Variants in LRP1B observed in about 807,000 individuals in gnomAD.
The protein encoded by LRP1B is LDL receptor related protein 1B, also known as low-density lipoprotein receptor-related protein 1B.
In LRP1B, 217 loss-of-function variants were observed where a neutral mutation model predicts 556.6. That is an observed-to-expected ratio of 0.39 (90% CI 0.35 to 0.44). The LOEUF (loss-of-function observed/expected upper bound fraction) is 0.44, where lower values mean the gene tolerates loss of function less well. Ranked by LOEUF, LRP1B falls within the 20% of genes least tolerant of loss-of-function variation. The pLI is 1.00. For missense variants in LRP1B, 5,053 were observed against 5,620.8 expected, an observed-to-expected ratio of 0.90 and a Z score of 3.23; for synonymous variants, 2,047 against 1,865.8, an observed-to-expected ratio of 1.10 and a Z score of -2.50.
intron 3 of LRP1B, among the ~76,000 whole-genome samples, chr2:141,459,643 A>T (rs1681781069): frequency 2.0e-5 from 3 of 152,094 alleles, no homozygotes; most frequent in Admixed American, 2.0e-4. Flanking sequence ...TATTCTGGTG[A>T]CAGTGACTAA....
intron 1 of LRP1B, among the ~76,000 whole-genome samples, chr2:141,940,368 G>A (rs954103364): frequency 6.6e-6 from 1 of 152,116 alleles, no homozygotes; most frequent in Non-Finnish European, 1.5e-5. Flanking sequence ...TAATGAATAA[G>A]TGTGCTTAAA....
intron 2 of LRP1B, among the ~76,000 whole-genome samples, chr2:141,618,765 A>T (rs1325532788): frequency 6.6e-6 from 1 of 152,210 alleles, no homozygotes; most frequent in Admixed American, 6.5e-5. Flanking sequence ...GCTGCTGAAT[A>T]TATGGACCTA....
At chr2:140,932,604 G>A (rs1281229011) in intron 20 of LRP1B, among the ~76,000 whole-genome samples, 2 of 152,092 alleles carry the variant, frequency 1.3e-5, no homozygotes, top group East Asian at 3.9e-4. Flanking sequence ...CAGGCACAGT[G>A]GCTAATTCCT....
intron 1 of LRP1B, among the ~76,000 whole-genome samples, chr2:141,951,092 G>C (rs1016888664): frequency 2.6e-5 from 4 of 152,050 alleles, no homozygotes; most frequent in Non-Finnish European, 5.9e-5. Context: ...GTCCCATAGT[G>C]ATAATGGCTG....
rs1683479191 is a variant in LRP1B at position 140,293,468 on chromosome 2, C to T, written c.12967+4340G>A. ...GGCTGCTGCTGTTAAAATTAATTTG[C>T]ATTTCAGACCTCAGGACTTTATATT... On this transcript the variant is annotated intron_variant, in intron 84 of 90. Transcript: ENST00000389484. Among the ~76,000 whole-genome samples, 8 of 152,264 alleles carry T rather than the reference C, an allele frequency of 5.3e-5. No homozygotes were observed. The South Asian group carries it at 1.7e-3, about 32-fold the overall frequency.
intron 81 of LRP1B, among the ~76,000 whole-genome samples, chr2:140,323,471 G>T (rs748119831): frequency 6.6e-6 from 1 of 151,906 alleles, no homozygotes; most frequent in Non-Finnish European, 1.5e-5. Flanking sequence ...GTTCGTCTAT[G>T]CACTCACAAG....
At chr2:142,118,916 G>A (rs1438516208) in intron 1 of LRP1B, among the ~76,000 whole-genome samples, 1 of 152,016 alleles carries the variant, frequency 6.6e-6, no homozygotes, top group Non-Finnish European at 1.5e-5. Flanking sequence ...TTATTTCAAG[G>A]TATAATGTTG....
At chr2:141,212,815 C>T (rs903967000) in intron 6 of LRP1B, among the ~76,000 whole-genome samples, 12 of 151,876 alleles carry the variant, frequency 7.9e-5, no homozygotes, top group Non-Finnish European at 2.9e-5. Flanking sequence ...GTAATTGATT[C>T]GTTCTTGGAA....
In LRP1B at chr2:140,835,346, T is replaced by G. The variant is rs531009439; in HGVS notation, c.5209+4645A>C. ...ATTATTACAGATATGACAGAGAAACTTTTACCACAGGCTCCCATCTATTCT... is the reference window on the plus strand; with the variant it reads ...ATTATTACAGATATGACAGAGAAACGTTTACCACAGGCTCCCATCTATTCT... On this transcript the variant is annotated intron_variant, in intron 31 of 90. Coordinates refer to ENST00000389484, the MANE Select transcript of LRP1B (RefSeq NM_018557.3). Among the ~76,000 whole-genome samples, 17 of 152,202 alleles carry G rather than the reference T, an allele frequency of 1.1e-4. 1 individual carries two copies. The South Asian group carries it at 3.5e-3, about 32-fold the overall frequency.
Position 141,570,819 on chromosome 2 carries a change from G to A in LRP1B, c.206-90286C>T, listed in dbSNP as rs371306489. ...CAGAGTGCCTCTTCAGGCCTGACCC[G>A]GACCCATCCTTCCTCACTGGGCGGG... On this transcript the variant is annotated intron_variant, in intron 2 of 90. Transcript: ENST00000389484. Among the ~76,000 whole-genome samples the A allele has an allele frequency of 2.3e-4, 35 of 151,262 alleles. 2 individuals are homozygous for A. The highest frequency in any genetic ancestry group is 3.7e-4 in the Non-Finnish European group (25 of 67,410).
intron 21 of LRP1B, among the ~76,000 whole-genome samples, chr2:140,920,286 T>TA (rs1694699592): frequency 6.6e-6 from 1 of 152,066 alleles, no homozygotes; most frequent in Non-Finnish European, 1.5e-5. Flanking sequence ...TCCTGACTGT[T>TA]ATATTGTACT....
chr2:140,532,947 TACAC>T (rs1553482124), intron 47 of LRP1B, among the ~76,000 whole-genome samples: 5 of 124,282 alleles, frequency 4.0e-5, no homozygotes, highest in African/African-American at 9.5e-5. Context: ...TATATATATA[TACAC>T]ATATATATCT....
chr2:141,810,129 G>A (rs1244893131), intron 2 of LRP1B, 150 bp downstream of exon 2: 3 of 387,208 alleles, frequency 7.7e-6, no homozygotes, highest in African/African-American at 5.5e-5. Flanking sequence ...AAGAAAGAAA[G>A]AAAGAAAGAA....
At chr2:141,920,892 G>A (rs1485331815) in intron 1 of LRP1B, among the ~76,000 whole-genome samples, 2 of 151,878 alleles carry the variant, frequency 1.3e-5, no homozygotes, top group South Asian at 2.1e-4. Context: ...TATTAGTCCT[G>A]TCCTTTTCTA....
At chr2:141,777,507 C>G (rs1370811925) in intron 2 of LRP1B, among the ~76,000 whole-genome samples, 1 of 152,010 alleles carries the variant, frequency 6.6e-6, no homozygotes, top group Non-Finnish European at 1.5e-5. Context: ...CCTCCGCCTC[C>G]CGGGTTCAAG....
In LRP1B at chr2:141,253,792, G is replaced by A. The variant is rs140390435; in HGVS notation, c.463+730C>T. On this transcript the variant is annotated intron_variant, in intron 4 of 90. Coordinates refer to ENST00000389484, the MANE Select transcript of LRP1B (RefSeq NM_018557.3). ...AATACACACACACACACTCACACAC[G>A]CGGAAGGAAAGAGAGAGGCAGAGAG... Among the ~76,000 whole-genome samples, 465 of 151,704 alleles carry A rather than the reference G, an allele frequency of 3.1e-3. 1 individual carries two copies. Among genetic ancestry groups the A allele is most frequent in the African/African-American group, 9.8e-3 (404 of 41,420 alleles).
chr2:142,049,761 A>T (rs1295924906), intron 1 of LRP1B, among the ~76,000 whole-genome samples: 6 of 152,100 alleles, frequency 3.9e-5, no homozygotes, highest in African/African-American at 1.2e-4. Flanking sequence ...ATTTATTGAA[A>T]CACTGATTCC....
intron 58 of LRP1B, among the ~76,000 whole-genome samples, chr2:140,486,718 C>T (rs190819887): frequency 1.5e-4 from 23 of 151,918 alleles, no homozygotes; most frequent in Non-Finnish European, 2.8e-4. Context: ...AAAATCTCAT[C>T]GGTTTATTTG....
chr2:141,176,768 TA>T (rs957707943), intron 7 of LRP1B, among the ~76,000 whole-genome samples: 3 of 151,958 alleles, frequency 2.0e-5, no homozygotes, highest in Non-Finnish European at 4.4e-5. Flanking sequence ...AGTAAAATAA[TA>T]AAACTGAATT....
Sources: gnomAD v4.1 joint callset for allele counts (sites outside exome capture counted in the v4.1 genomes callset) on GRCh38, gnomAD v4.1.1 for gene constraint, MANE v1.5 for transcripts, NCBI Gene and HGNC (gene_info 2026-07-23, HGNC 2026-07-21) for gene names.